The following ROBO2 variants were observed in gnomAD, a reference collection of about 807,000 sequenced individuals.
ROBO2 encodes the protein roundabout guidance receptor 2.
ROBO2 carries 53 observed loss-of-function variants against 160.8 expected under a neutral mutation model. That is an observed-to-expected ratio of 0.33 (90% CI 0.26 to 0.41). The LOEUF (loss-of-function observed/expected upper bound fraction) is 0.41, where lower values mean the gene tolerates loss of function less well. Ranked by LOEUF, ROBO2 falls within the 10% of genes least tolerant of loss-of-function variation. The pLI is 1.00. For missense variants in ROBO2, 1,577 were observed against 1,722.4 expected (o/e 0.92, Z 1.49); for synonymous variants, 664 against 611.7 (o/e 1.09, Z -1.26).
intron 2 of ROBO2, among the ~76,000 whole-genome samples, chr3:76,837,387 T>C (rs1200173722): frequency 6.6e-6 from 1 of 151,956 alleles, no homozygotes. Flanking sequence ...CCTACATAGA[T>C]ATTTAATTCA....
At chr3:76,237,691 G>A (rs1315569615) in intron 2 of ROBO2, among the ~76,000 whole-genome samples, 1 of 152,156 alleles carries the variant, frequency 6.6e-6, no homozygotes, top group Non-Finnish European at 1.5e-5. Flanking sequence ...TTACTGATGT[G>A]TGGCTAAGCT....
intron 2 of ROBO2, among the ~76,000 whole-genome samples, chr3:76,344,279 A>G (rs886294147): frequency 4.6e-5 from 7 of 152,138 alleles, no homozygotes; most frequent in African/African-American, 1.7e-4. Flanking sequence ...TTACAATGCA[A>G]CCTAATTTTG....
rs200090241 is a variant in ROBO2, at chr3:76,451,566, C to T, written c.109+513964C>T. Among the ~76,000 whole-genome samples, 5 of 152,262 alleles carry T rather than the reference C, an allele frequency of 3.3e-5. No homozygotes were observed. In the East Asian group the frequency reaches 9.7e-4, roughly 29 times the overall value. The stretch of plus-strand genomic sequence containing the variant: ...AAAGCAATGGCTGTCTCTCTTCTGT[C>T]AGCTGCTCCAGGTGAATGGGGGACA... On this transcript the variant is annotated intron_variant, in intron 2 of 26. Transcript: ENST00000487694.
chr3:77,546,474 G>T lies in ROBO2; in HGVS notation c.1059+12G>T. ...AAGAAGGCAGCCAGGTGAGTGTGAG[G>T]CTTCACTGCTTTTCTGAAATCTCTG... On this transcript the variant is annotated intron_variant, in intron 7 of 25. Coordinates refer to ENST00000461745, the Ensembl canonical transcript of ROBO2. 1.2e-6 allele frequency: 2 copies of T among 1,612,764 alleles called. No individual in the cohort carries two copies. Among genetic ancestry groups the T allele is most frequent in the East Asian group, 2.2e-5 (1 of 44,822 alleles).
At chr3:76,064,837 G>T (rs911279660) in intron 2 of ROBO2, among the ~76,000 whole-genome samples, 2 of 152,016 alleles carry the variant, frequency 1.3e-5, no homozygotes, top group Admixed American at 1.3e-4. Context: ...TATTTTAAAA[G>T]GTGTATGGCC....
intron 2 of ROBO2, among the ~76,000 whole-genome samples, chr3:77,371,475 A>T (rs2153477034): frequency 6.6e-6 from 1 of 152,284 alleles, no homozygotes; most frequent in African/African-American, 2.4e-5. Context: ...CTCTCATTAT[A>T]AATGAGAACT....
intron 2 of ROBO2, among the ~76,000 whole-genome samples, chr3:77,275,142 A>G (rs1265042344): frequency 6.6e-6 from 1 of 152,124 alleles, no homozygotes; most frequent in East Asian, 1.9e-4. Flanking sequence ...TAATATATCA[A>G]TGAAGACAGG....
At chr3:76,156,300 GA>G (rs574734143) in intron 2 of ROBO2, among the ~76,000 whole-genome samples, 5 of 149,566 alleles carry the variant, frequency 3.3e-5, no homozygotes, top group East Asian at 2.0e-4. Context: ...TAAAGTGACA[GA>G]AAAAAAAAGC....
At chr3:76,578,417 C>T (rs186221024) in intron 2 of ROBO2, among the ~76,000 whole-genome samples, 19 of 152,238 alleles carry the variant, frequency 1.2e-4, no homozygotes, top group Non-Finnish European at 2.1e-4. Flanking sequence ...TCACCTCTCA[C>T]CCCCCATTCA....
chr3:77,470,518 A>G (rs1259947515), intron 2 of ROBO2, among the ~76,000 whole-genome samples: 1 of 152,176 alleles, frequency 6.6e-6, no homozygotes, highest in African/African-American at 2.4e-5. Context: ...TGAGGCTCCA[A>G]TGACCTATTC....
At position 76,762,675 on chromosome 3, in the gene ROBO2, G is replaced by A. The variant is rs183191276; in HGVS notation, c.110-335339G>A. On this transcript the variant is annotated intron_variant, in intron 2 of 26. Coordinates refer to the ROBO2 transcript ENST00000487694. ...CACGTTCTGGTTTTACCTATGATTC[G>A]AAAAAGTTGTTTATTCTCAGAACTT... Among the ~76,000 whole-genome samples the A allele has an allele frequency of 2.9e-3, 434 of 151,606 alleles. 1 individual carries two copies. The highest frequency in any genetic ancestry group is 5.2e-3 in the Non-Finnish European group (349 of 67,712).
chr3:75,920,960 C>T (rs1295582057), intron 1 of ROBO2, among the ~76,000 whole-genome samples: 2 of 151,914 alleles, frequency 1.3e-5, no homozygotes, highest in East Asian at 1.9e-4. Flanking sequence ...ATACAGCACA[C>T]CTCTGGATAT....
At chr3:77,525,639 T>A (rs775717) in intron 6 of ROBO2, among the ~76,000 whole-genome samples, 16 of 151,310 alleles carry the variant, frequency 1.1e-4, no homozygotes, top group African/African-American at 3.9e-4. Context: ...ATTTTTAATT[T>A]TTTAATTTGC....
At chr3:75,986,375 C>A (rs1306595145) in intron 2 of ROBO2, among the ~76,000 whole-genome samples, 1 of 151,384 alleles carries the variant, frequency 6.6e-6, no homozygotes, top group Non-Finnish European at 1.5e-5. Flanking sequence ...AGTTCTTTGC[C>A]CATTTTTGAA....
chr3:76,722,468 C>T (rs971544329), intron 2 of ROBO2, among the ~76,000 whole-genome samples: 1 of 152,116 alleles, frequency 6.6e-6, no homozygotes, highest in African/African-American at 2.4e-5. Context: ...GTTTACCTAC[C>T]ATAAAGTCCA....
At chr3:76,747,338 C>A (rs1256853923) in intron 2 of ROBO2, among the ~76,000 whole-genome samples, 2 of 151,964 alleles carry the variant, frequency 1.3e-5, no homozygotes, top group African/African-American at 4.8e-5. Flanking sequence ...TTTTTCTTAA[C>A]ATTGTTTAAG....
intron 2 of ROBO2, among the ~76,000 whole-genome samples, chr3:77,471,406 A>G (rs1311426095): frequency 6.6e-6 from 1 of 152,218 alleles, no homozygotes; most frequent in East Asian, 1.9e-4. Flanking sequence ...CTATTGCTTC[A>G]TAACAAATTA....
chr3:76,421,725 T>TAAA (rs11371650), intron 2 of ROBO2, among the ~76,000 whole-genome samples: 1 of 148,104 alleles, frequency 6.8e-6, no homozygotes. Context: ...AAACTCCATC[T>TAAA]AAAAAAAAAA....
chr3:77,411,718 G>A (rs2153522568), intron 2 of ROBO2, among the ~76,000 whole-genome samples: 1 of 152,292 alleles, frequency 6.6e-6, no homozygotes, highest in Non-Finnish European at 1.5e-5. Flanking sequence ...TTATATGTGT[G>A]TAAACTCTAT....
Sources: gnomAD v4.1 joint callset for allele counts (sites outside exome capture counted in the v4.1 genomes callset) on GRCh38, gnomAD v4.1.1 for gene constraint, MANE v1.5 for transcripts, NCBI Gene and HGNC (gene_info 2026-07-23, HGNC 2026-07-21) for gene names.